TANGO6: variants seen among roughly 807,000 people sequenced by gnomAD.
The protein encoded by TANGO6 is transport and golgi organization 6 homolog.
A neutral mutation model predicts 114.2 loss-of-function variants in TANGO6; 90 were observed. That is an observed-to-expected ratio of 0.79 (90% confidence interval 0.66 to 0.94). TANGO6 has a LOEUF of 0.94. Ranked by LOEUF, TANGO6 falls within the 40% of genes least tolerant of loss-of-function variation. TANGO6 has a pLI of 0.00. For synonymous variants in TANGO6, 477 were observed against 509.8 expected (o/e 0.94, Z 0.87); for missense variants, 1,274 against 1,315.3 (o/e 0.97, Z 0.49).
chr16:69,058,909 CTTTT>C (rs754689921), intron 17 of TANGO6, among the ~76,000 whole-genome samples: 4 of 136,586 alleles, frequency 2.9e-5, no homozygotes, highest in Admixed American at 7.4e-5. Context: ...CTTTTCTACT[CTTTT>C]TTTTTTTTTT....
At chr16:69,076,212 C>T (rs1960376975) in intron 17 of TANGO6, among the ~76,000 whole-genome samples, 1 of 150,108 alleles carries the variant, frequency 6.7e-6, no homozygotes, top group Admixed American at 6.7e-5. Flanking sequence ...GTGCCTCAGC[C>T]TTCCGAGTAG....
intron 16 of TANGO6, among the ~76,000 whole-genome samples, chr16:69,027,689 T>C (rs1486485324): frequency 2.0e-5 from 3 of 152,174 alleles, no homozygotes; most frequent in African/African-American, 7.2e-5. Context: ...TTTTTTTCTC[T>C]ATTTTCTTGG....
At chr16:68,895,587 A>G (rs1042263589) in intron 7 of TANGO6, among the ~76,000 whole-genome samples, 3 of 152,318 alleles carry the variant, frequency 2.0e-5, no homozygotes, top group Admixed American at 6.5e-5. Context: ...CTAAAGTGCA[A>G]TTGGAATTTA....
chr16:68,888,869 G>C (rs143582895), intron 7 of TANGO6, among the ~76,000 whole-genome samples: 3,216 of 152,290 alleles, frequency 0.021, 83 homozygotes, highest in African/African-American at 0.059. Flanking sequence ...CTGGAGTGCA[G>C]TGGCGCAATC....
At chr16:68,983,584 G>A (rs1040941131) in intron 15 of TANGO6, among the ~76,000 whole-genome samples, 12 of 152,160 alleles carry the variant, frequency 7.9e-5, no homozygotes, top group African/African-American at 2.2e-4. Context: ...GGCCCATGGA[G>A]GGAGAGGCCT....
chr16:68,852,170 A>T (rs2152151621), intron 1 of TANGO6, among the ~76,000 whole-genome samples: 1 of 152,338 alleles, frequency 6.6e-6, no homozygotes, highest in Admixed American at 6.5e-5. Context: ...TGAACAAAAC[A>T]AATCAATACC....
At chr16:68,953,050 TTTATTATTATTATTATTA>T (rs71383944) in intron 14 of TANGO6, among the ~76,000 whole-genome samples, 6 of 139,214 alleles carry the variant, frequency 4.3e-5, no homozygotes, top group South Asian at 4.6e-4. Flanking sequence ...ACAGGTATTT[TTTATTATTATTATTATTA>T]TTATTATTAT....
chr16:68,996,716 T>G (rs907975267), intron 15 of TANGO6, among the ~76,000 whole-genome samples: 1 of 151,688 alleles, frequency 6.6e-6, no homozygotes, highest in African/African-American at 2.4e-5. Flanking sequence ...TTTAAGGAGG[T>G]CAAATATGTA....
chr16:68,934,880 A>G (rs1432639908), intron 14 of TANGO6, among the ~76,000 whole-genome samples: 1 of 152,146 alleles, frequency 6.6e-6, no homozygotes, highest in Non-Finnish European at 1.5e-5. Flanking sequence ...CCTGCTATCA[A>G]AATCGCAGCT....
rs571811686 is a variant in TANGO6, at chr16:69,053,050, A to G, written c.3108+12629A>G. On this transcript the variant is annotated intron_variant, in intron 17 of 17. Transcript: ENST00000261778. ...TTGAATTCGGGAGGCAGAGGTTGCAATGAGCCGAGATCGTGCCACTGTACT... is the reference window on the plus strand; with the variant it reads ...TTGAATTCGGGAGGCAGAGGTTGCAGTGAGCCGAGATCGTGCCACTGTACT... Among the ~76,000 whole-genome samples, 3 of 152,204 alleles carry G rather than the reference A, an allele frequency of 2.0e-5. No homozygotes were observed. In the East Asian group the frequency reaches 5.8e-4, roughly 29 times the overall value.
At chr16:68,875,661 T>C (rs921460638) in intron 5 of TANGO6, among the ~76,000 whole-genome samples, 2 of 151,434 alleles carry the variant, frequency 1.3e-5, no homozygotes, top group Admixed American at 6.6e-5. Context: ...CCCAGCTACT[T>C]GGGAGGCTGA....
At chr16:69,025,007 C>G (rs2152228922) in intron 16 of TANGO6, among the ~76,000 whole-genome samples, 1 of 152,128 alleles carries the variant, frequency 6.6e-6, no homozygotes, top group East Asian at 1.9e-4. Flanking sequence ...AGTGTTTCAT[C>G]ATGTTGGCCA....
At chr16:68,900,585 G>A in intron 8 of TANGO6, 39 bp downstream of exon 8, 1 of 1,476,292 alleles carries the variant, frequency 6.8e-7, no homozygotes, top group Admixed American at 2.0e-5. Context: ...TATAAATTGT[G>A]ACGTCTTTTT....
chr16:68,934,266 A>C (rs1963277769), intron 14 of TANGO6, among the ~76,000 whole-genome samples: 1 of 152,064 alleles, frequency 6.6e-6, no homozygotes, highest in South Asian at 2.1e-4. Context: ...CCCAGGCTCA[A>C]ACTCCTAGAC....
intron 14 of TANGO6, among the ~76,000 whole-genome samples, chr16:68,942,095 C>T (rs550692668): frequency 7.2e-5 from 11 of 152,132 alleles, no homozygotes; most frequent in East Asian, 1.9e-4. Context: ...TTTGAGAGGC[C>T]GAGGCAGGTG....
chr16:68,946,474 G>A lies in TANGO6; in HGVS notation c.2701+16179G>A, dbSNP rs376240641. 1.3e-3 allele frequency among the ~76,000 whole-genome samples: 192 copies of A among 152,228 alleles called. 1 individual carries two copies. Among genetic ancestry groups the A allele is most frequent in the African/African-American group, 4.3e-3 (179 of 41,560 alleles). On this transcript the variant is annotated intron_variant, in intron 14 of 17. Coordinates refer to ENST00000261778, the MANE Select transcript of TANGO6 (RefSeq NM_024562.2). Reference sequence around the variant, plus strand: ...CTCCCAAAGTGGGGGGATTACAGGCGTGAGCCACCGCGCCCGGCCTTTTCT... The same window carrying A: ...CTCCCAAAGTGGGGGGATTACAGGCATGAGCCACCGCGCCCGGCCTTTTCT...
intron 17 of TANGO6, among the ~76,000 whole-genome samples, chr16:69,080,955 G>A (rs925412780): frequency 4.6e-5 from 7 of 152,000 alleles, no homozygotes; most frequent in Admixed American, 3.3e-4. Flanking sequence ...TGGCTAACAC[G>A]GTGAAACCCT....
intron 17 of TANGO6, among the ~76,000 whole-genome samples, chr16:69,068,135 T>C (rs1960246609): frequency 6.7e-6 from 1 of 150,326 alleles, no homozygotes; most frequent in South Asian, 2.1e-4. Context: ...AGCAAGACTC[T>C]TGTCTTGAAA....
At chr16:68,961,829 C>T (rs1963594875) in intron 14 of TANGO6, among the ~76,000 whole-genome samples, 1 of 152,204 alleles carries the variant, frequency 6.6e-6, no homozygotes, top group African/African-American at 2.4e-5. Flanking sequence ...AATTTTCCTG[C>T]TGATTAAGAT....
Sources: allele counts gnomAD v4.1 joint callset (sites outside exome capture counted in the v4.1 genomes callset), GRCh38; gene constraint gnomAD v4.1.1; transcripts MANE v1.5; gene names NCBI Gene and HGNC (gene_info 2026-07-23, HGNC 2026-07-21).